SYBU: variants seen among roughly 807,000 people sequenced by gnomAD.
SYBU encodes the protein syntabulin, also known as GOLSYN A protein.
A neutral mutation model predicts 35.9 loss-of-function variants in SYBU; 21 were observed. The observed-to-expected ratio is 0.58, with a 90% CI of 0.41 to 0.84. The LOEUF (loss-of-function observed/expected upper bound fraction) is 0.84, where lower values mean the gene tolerates loss of function less well. Among genes scored for constraint, SYBU ranks in the 40% least tolerant of loss-of-function variants. The probability of loss-of-function intolerance (pLI) is 0.00; values close to 1 mark genes in which losing one functional copy is unlikely to be tolerated. For synonymous variants in SYBU, 319 were observed against 324.3 expected (o/e 0.98, Z 0.18); for missense variants, 768 against 848.2 (o/e 0.91, Z 1.17).
intron 2 of SYBU, among the ~76,000 whole-genome samples, chr8:109,622,218 TATCTATC>T (rs1248591682): frequency 1.4e-3 from 197 of 145,238 alleles, no homozygotes; most frequent in African/African-American, 5.2e-3. Flanking sequence ...TCTATCTATC[TATCTATC>T]ATCTATCTAT....
chr8:109,602,369 T>A (rs551733437), intron 3 of SYBU, among the ~76,000 whole-genome samples: 1 of 151,420 alleles, frequency 6.6e-6, no homozygotes, highest in Non-Finnish European at 1.5e-5. Flanking sequence ...AAGAATTGGA[T>A]AATCTGATAA....
rs537217812 is a variant in SYBU, at chr8:109,593,569, G to C, written c.428-7407C>G. Among the ~76,000 whole-genome samples the C allele has an allele frequency of 1.1e-3, 167 of 152,328 alleles. 1 individual carries two copies. Among genetic ancestry groups the C allele is most frequent in the African/African-American group, 3.9e-3 (162 of 41,582 alleles). ...GTAGGACACTTAACAGTTGGTTCAT[G>C]GTTCAAAGTCCTCATAATCCTGTTG... is the stretch of plus-strand genomic sequence containing the variant. On this transcript the variant is annotated intron_variant, in intron 3 of 6. Transcript: ENST00000276646.
intron 1 of SYBU, among the ~76,000 whole-genome samples, chr8:109,677,307 A>T (rs1031481587): frequency 1.8e-4 from 28 of 152,378 alleles, no homozygotes; most frequent in South Asian, 1.7e-3. Context: ...ATTCTGTGGT[A>T]TATTTTCCAA....
At chr8:109,622,244 C>A (rs1812505458) in intron 2 of SYBU, among the ~76,000 whole-genome samples, 2 of 150,322 alleles carry the variant, frequency 1.3e-5, no homozygotes, top group African/African-American at 2.5e-5. Flanking sequence ...ATCTATCTAT[C>A]TTTTTAAGAC....
At chr8:109,647,678 C>G (rs962403767), upstream of SYBU, 3 of 152,186 alleles carry the variant, frequency 2.0e-5, no homozygotes, top group Non-Finnish European at 4.4e-5. Context: ...AACATAGATA[C>G]AACTTGTTTT....
chr8:109,684,154 T>A (rs1817466774), upstream of SYBU, among the ~76,000 whole-genome samples: 2 of 152,170 alleles, frequency 1.3e-5, no homozygotes, highest in Non-Finnish European at 2.9e-5. Context: ...GGAAAATAAG[T>A]GTTTAGGTAT....
At chr8:109,598,207 C>T (rs941098735) in intron 3 of SYBU, among the ~76,000 whole-genome samples, 15 of 152,266 alleles carry the variant, frequency 9.9e-5, no homozygotes, top group Middle Eastern at 6.8e-3. Flanking sequence ...TGAGAGCAGC[C>T]GGCTTGACTG....
Position 109,577,993 on chromosome 8 carries a change from G to T in SYBU, c.759C>A (p.Cys253Ter), listed in dbSNP as rs779592122. 2 of 1,612,982 alleles carry T rather than the reference G, an allele frequency of 1.2e-6. No individual in the cohort carries two copies. The highest frequency in any genetic ancestry group is 1.3e-5 in the African/African-American group (1 of 74,968). ...GGGGTCTGACACCATGATTTTCACCGCAAGACATGTACCTTCCAGAACGCC... is the reference window on the plus strand; with the variant it reads ...GGGGTCTGACACCATGATTTTCACCTCAAGACATGTACCTTCCAGAACGCC... The part of the protein sequence containing the change: ...IMRRSGRYMS[C>*]GENHGVRPPN... The change falls in exon 6 of 7, where the codon TGC becomes TGA. Residue 253 changes from cysteine to a stop codon, truncating the protein, a stop_gained. Transcript: ENST00000276646. LOFTEE classifies it high-confidence loss of function.
chr8:109,662,489 C>T (rs1410805822), intron 1 of SYBU, among the ~76,000 whole-genome samples: 1 of 152,194 alleles, frequency 6.6e-6, no homozygotes, highest in African/African-American at 2.4e-5. Flanking sequence ...GGCCACTGCT[C>T]TAGTCCCAGG....
intron 3 of SYBU, among the ~76,000 whole-genome samples, chr8:109,605,028 T>G (rs1825928794): frequency 6.6e-6 from 1 of 152,076 alleles, no homozygotes; most frequent in Admixed American, 6.5e-5. Context: ...CATCCCTTAC[T>G]CTGAAAGTGC....
chr8:109,580,511 TA>T (rs1354183212), intron 4 of SYBU: 1 of 154,790 alleles, frequency 6.5e-6, no homozygotes, highest in African/African-American at 2.4e-5. Flanking sequence ...AGAGCACACA[TA>T]AATGCATCAT....
chr8:109,648,488 C>A (rs1004631508), upstream of SYBU, among the ~76,000 whole-genome samples: 1 of 151,866 alleles, frequency 6.6e-6, no homozygotes. Context: ...ATTTGAGCCT[C>A]ACAAAAATCC....
Position 109,622,057 on chromosome 8 carries a change from C to G in SYBU, c.230-3018G>C, listed in dbSNP as rs1489639540. Among the ~76,000 whole-genome samples the G allele has an allele frequency of 2.0e-5, 3 of 152,228 alleles. No homozygotes were observed. The East Asian group carries it at 5.8e-4, about 29-fold the overall frequency. On this transcript the variant is annotated intron_variant, in intron 2 of 6. Coordinates refer to ENST00000276646, the MANE Select transcript of SYBU (RefSeq NM_001099754.2). The stretch of plus-strand genomic sequence containing the variant: ...GCCGGTTGGAAGCTGACCACCAGTT[C>G]AAATGAAGATAACACTCCTTTTCAA...
At chr8:109,616,245 C>T (rs918897788) in intron 3 of SYBU, among the ~76,000 whole-genome samples, 4 of 151,740 alleles carry the variant, frequency 2.6e-5, no homozygotes, top group African/African-American at 4.8e-5. Context: ...CTCCTGACCT[C>T]GTGATCCACC....
intron 1 of SYBU, among the ~76,000 whole-genome samples, chr8:109,672,571 A>G (rs904635345): frequency 6.6e-6 from 1 of 152,196 alleles, no homozygotes; most frequent in African/African-American, 2.4e-5. Context: ...CTACACCACC[A>G]GGGCTTTAGG....
chr8:109,590,439 G>C (rs1424613577), intron 3 of SYBU, among the ~76,000 whole-genome samples: 1 of 151,326 alleles, frequency 6.6e-6, no homozygotes, highest in Non-Finnish European at 1.5e-5. Context: ...GAGAATAAAA[G>C]TATTCTTGAA....
chr8:109,623,016 G>A (rs1004433221), intron 2 of SYBU, among the ~76,000 whole-genome samples: 10 of 143,874 alleles, frequency 7.0e-5, no homozygotes, highest in African/African-American at 2.2e-4. Flanking sequence ...TTACATCACA[G>A]GAGCGTGCGC....
intron 3 of SYBU, among the ~76,000 whole-genome samples, chr8:109,613,723 T>C (rs1811444136): frequency 6.6e-6 from 1 of 152,236 alleles, no homozygotes; most frequent in South Asian, 2.1e-4. Flanking sequence ...GAAGTGAAAG[T>C]GATGCTCATG....
chr8:109,667,362 C>T lies in SYBU; in HGVS notation c.-129+13349G>A, dbSNP rs141890409. Among the ~76,000 whole-genome samples the T allele has an allele frequency of 1.9e-3, 294 of 152,200 alleles. 1 individual carries two copies. The highest frequency in any genetic ancestry group is 6.6e-3 in the African/African-American group (274 of 41,528). ...CGATCTCCTCGTGATCCGCCCACCT[C>T]GGCCTCCTAAAGTGCTGGGATTACC... On this transcript the variant is annotated intron_variant, in intron 1 of 5. Coordinates refer to the SYBU transcript ENST00000408889.
Sources: gnomAD v4.1 joint callset for allele counts (sites outside exome capture counted in the v4.1 genomes callset) on GRCh38, gnomAD v4.1.1 for gene constraint, MANE v1.5 for transcripts, NCBI Gene and HGNC (gene_info 2026-07-23, HGNC 2026-07-21) for gene names.